The following DCLK2 variants were observed in gnomAD, a reference collection of about 807,000 sequenced individuals.
DCLK2 encodes doublecortin like kinase 2, also known as serine/threonine-protein kinase DCLK2.
DCLK2 carries 31 observed loss-of-function variants against 78.4 expected under a neutral mutation model. That is an observed-to-expected ratio of 0.40 (90% CI 0.30 to 0.53). The LOEUF is 0.53. Among genes scored for constraint, DCLK2 ranks in the 20% least tolerant of loss-of-function variants. The pLI, the probability that DCLK2 is intolerant of heterozygous loss-of-function variation, is 0.61. For missense variants in DCLK2, 872 were observed against 973.7 expected, an observed-to-expected ratio of 0.90 and a Z score of 1.39; for synonymous variants, 407 against 374.9, an observed-to-expected ratio of 1.09 and a Z score of -0.99.
rs372011163 is a variant in DCLK2, at chr4:150,228,982, C to T, written c.1300-3355C>T. Among the ~76,000 whole-genome samples the T allele has an allele frequency of 4.6e-5, 7 of 151,256 alleles. No individual in the cohort carries two copies. The East Asian group carries it at 5.9e-4, about 13-fold the overall frequency. On this transcript the variant is annotated intron_variant, in intron 8 of 15. Transcript: ENST00000296550. ...CGGAGCTTGCAGTGAGCCGAGATTGCGCCACTGCAGTCCGCAGTCCGGCCT... is the reference window on the plus strand; with the variant it reads ...CGGAGCTTGCAGTGAGCCGAGATTGTGCCACTGCAGTCCGCAGTCCGGCCT...
At position 150,122,283 on chromosome 4, in the gene DCLK2, TCTA is replaced by T. The variant is rs531405443; in HGVS notation, c.756+19475_756+19477del. ...ATATACCCAAAGGATTATAAATCATTCTACTATAAAGACACGTGCACACCTATG... is the reference window on the plus strand; with the variant it reads ...ATATACCCAAAGGATTATAAATCATTCTATAAAGACACGTGCACACCTATG... On this transcript the variant is annotated intron_variant, in intron 2 of 15. Transcript: ENST00000296550. 1.5e-4 allele frequency among the ~76,000 whole-genome samples: 23 copies of T among 152,352 alleles called. No homozygotes were observed. In the South Asian group the frequency reaches 4.6e-3, roughly 30 times the overall value.
intron 2 of DCLK2, among the ~76,000 whole-genome samples, chr4:150,152,098 A>G (rs1734940147): frequency 6.6e-6 from 1 of 152,220 alleles, no homozygotes; most frequent in South Asian, 2.1e-4. Context: ...TGTAGAAAGC[A>G]TTAAAAATAA....
chr4:150,144,305 G>C (rs983899617), intron 2 of DCLK2, among the ~76,000 whole-genome samples: 2 of 152,086 alleles, frequency 1.3e-5, no homozygotes, highest in East Asian at 1.9e-4. Flanking sequence ...TATATGGTTA[G>C]CCAATTTCCC....
chr4:150,150,016 A>G (rs980228559), intron 2 of DCLK2, among the ~76,000 whole-genome samples: 4 of 152,212 alleles, frequency 2.6e-5, no homozygotes, highest in African/African-American at 9.7e-5. Flanking sequence ...ATTGAAGTGT[A>G]TGGGAGTGTG....
chr4:150,191,695 C>A (rs913232511), intron 2 of DCLK2, among the ~76,000 whole-genome samples: 4 of 152,126 alleles, frequency 2.6e-5, no homozygotes, highest in African/African-American at 9.7e-5. Context: ...AGAATTGGAA[C>A]AAACAGGCAG....
chr4:150,149,803 A>G lies in DCLK2; in HGVS notation c.757-43335A>G, dbSNP rs970001075. ...TGCACTGATTCTGGACTTCATTGAA[A>G]GAGATTCTGTAAGGTTGATTGGGGA... On this transcript the variant is annotated intron_variant, in intron 2 of 15. Transcript: ENST00000296550. Among the ~76,000 whole-genome samples, 6 of 152,220 alleles carry G rather than the reference A, an allele frequency of 3.9e-5. No individual in the cohort carries two copies. The East Asian group carries it at 1.2e-3, about 29-fold the overall frequency.
chr4:150,175,011 A>AAAAAAAAAAATATATATAT lies in DCLK2; in HGVS notation c.757-18126_757-18125insAAAAAAAAATATATATATA, dbSNP rs1454035697. Among the ~76,000 whole-genome samples, 7 of 9,976 alleles carry AAAAAAAAAAATATATATAT rather than the reference A, an allele frequency of 7.0e-4. 2 individuals carry two copies. Among genetic ancestry groups the AAAAAAAAAAATATATATAT allele is most frequent in the East Asian group, 6.1e-3 (4 of 660 alleles). The allele number at this position is 9,976 out of a possible 152,430, so 6.5% of individuals were successfully genotyped here. The stretch of plus-strand genomic sequence containing the variant: ...AGACTCCGTCGCAAAAAAAAAAAAA[A>AAAAAAAAAAATATATATAT]ATATATATATATATATATATATTTA... On this transcript the variant is annotated intron_variant, in intron 2 of 15. Coordinates refer to ENST00000296550, the MANE Select transcript of DCLK2 (RefSeq NM_001040260.4).
At chr4:150,141,345 G>A (rs6821925) in intron 2 of DCLK2, among the ~76,000 whole-genome samples, 11,585 of 152,206 alleles carry the variant, frequency 0.076, 590 homozygotes, top group Middle Eastern at 0.12. Context: ...GTTCGTTTCT[G>A]CCAGCAGTGA....
chr4:150,147,761 T>A (rs1734587689), intron 2 of DCLK2, among the ~76,000 whole-genome samples: 1 of 152,262 alleles, frequency 6.6e-6, no homozygotes, highest in East Asian at 1.9e-4. Flanking sequence ...CAATCCACTG[T>A]ATACTCCATG....
chr4:150,245,837 A>G (rs1743266812), intron 12 of DCLK2, among the ~76,000 whole-genome samples: 3 of 152,196 alleles, frequency 2.0e-5, no homozygotes, highest in South Asian at 4.1e-4. Context: ...ACCATTGTGG[A>G]AGACAGGGTG....
At position 150,257,032 on chromosome 4, in the gene DCLK2, G is replaced by A. The variant is rs1744617615; in HGVS notation, c.*785G>A. ...AAATGCCCGTGAACTTGCCCTCTGGGCTTTTTAATGAGAGGCTTGGCGCAT... is the reference window on the plus strand; with the variant it reads ...AAATGCCCGTGAACTTGCCCTCTGGACTTTTTAATGAGAGGCTTGGCGCAT... On this transcript the variant is annotated 3_prime_UTR_variant, in exon 16 of 16. Transcript: ENST00000296550. 6.6e-6 allele frequency: 1 copy of A among 152,262 alleles called. No individual in the cohort carries two copies. The highest frequency in any genetic ancestry group is 2.4e-5 in the African/African-American group (1 of 41,470). The allele number at this position is 152,262 out of a possible 1,614,324, so 9.4% of individuals were successfully genotyped here. A position where few individuals can be genotyped will look rare whatever the true frequency, so the allele number is the denominator to read the frequency against.
intron 4 of DCLK2, among the ~76,000 whole-genome samples, chr4:150,200,736 C>T (rs1365013450): frequency 6.6e-6 from 1 of 152,210 alleles, no homozygotes; most frequent in Admixed American, 6.5e-5. Flanking sequence ...TTGAGACTGC[C>T]TTGAGTGAAG....
At chr4:150,191,788 A>G (rs1218375424) in intron 2 of DCLK2, among the ~76,000 whole-genome samples, 1 of 152,180 alleles carries the variant, frequency 6.6e-6, no homozygotes, top group African/African-American at 2.4e-5. Flanking sequence ...CACTTAAATA[A>G]TATGACCTGA....
intron 2 of DCLK2, among the ~76,000 whole-genome samples, chr4:150,147,927 G>C (rs554287618): frequency 3.0e-4 from 45 of 152,348 alleles, no homozygotes; most frequent in African/African-American, 9.4e-4. Context: ...GAATAGGGTA[G>C]ATGTTGAAAT....
At chr4:150,219,231 A>G (rs1460560537) in intron 5 of DCLK2, among the ~76,000 whole-genome samples, 1 of 124,996 alleles carries the variant, frequency 8.0e-6, no homozygotes, top group African/African-American at 3.0e-5. Context: ...TCTTATGGCC[A>G]TTTACATTCA....
At chr4:150,175,403 T>C (rs1332095104) in intron 2 of DCLK2, 1 of 151,686 alleles carries the variant, frequency 6.6e-6, no homozygotes, top group African/African-American at 2.4e-5. Flanking sequence ...AATTGTGGTC[T>C]CCAGATTCAG....
chr4:150,193,440 A>G (rs1241676706), intron 3 of DCLK2, among the ~76,000 whole-genome samples, 200 bp downstream of exon 3: 9 of 149,360 alleles, frequency 6.0e-5, no homozygotes, highest in African/African-American at 2.3e-4. Context: ...AGAAAGAAAG[A>G]AAAAGAAAAA....
Position 150,248,286 on chromosome 4 carries a change from C to CTTGT in DCLK2, c.1876-12_1876-9dup. 6.2e-7 allele frequency: 1 copy of CTTGT among 1,609,404 alleles called. No homozygotes were observed. The highest frequency in any genetic ancestry group is 8.5e-7 in the Non-Finnish European group (1 of 1,175,876). The stretch of plus-strand genomic sequence containing the variant: ...TCCTTTCTCCTCCTCTGTGGTCTGA[C>CTTGT]TTGTTTGTTTATTTGTAGGAATTAA... On this transcript the variant is annotated intron_variant, in intron 13 of 15. Coordinates refer to ENST00000296550, the MANE Select transcript of DCLK2 (RefSeq NM_001040260.4).
intron 1 of DCLK2, among the ~76,000 whole-genome samples, chr4:150,098,723 C>T (rs1730656428): frequency 1.5e-5 from 2 of 133,386 alleles, no homozygotes; most frequent in Non-Finnish European, 3.1e-5. Context: ...TTGGCAGAGT[C>T]TCATTCTTGT....
Sources: allele counts gnomAD v4.1 joint callset (sites outside exome capture counted in the v4.1 genomes callset), GRCh38; gene constraint gnomAD v4.1.1; transcripts MANE v1.5; gene names NCBI Gene and HGNC (gene_info 2026-07-23, HGNC 2026-07-21).